NIPBL: variants seen among roughly 807,000 people sequenced by gnomAD.
NIPBL encodes nipped-B-like protein.
A neutral mutation model predicts 321.8 loss-of-function variants in NIPBL; 19 were observed. The ratio of observed to expected loss-of-function variants is 0.06; its 90% CI spans 0.04 to 0.09. The LOEUF (loss-of-function observed/expected upper bound fraction) is 0.09, where lower values mean the gene tolerates loss of function less well. NIPBL is among the 10% of genes least tolerant of loss of function. The probability of loss-of-function intolerance (pLI) is 1.00; values close to 1 mark genes in which losing one functional copy is unlikely to be tolerated. For missense variants in NIPBL, 2,210 were observed against 3,327.0 expected (o/e 0.66, Z 8.26); for synonymous variants, 1,106 against 1,114.1 (o/e 0.99, Z 0.14).
chr5:36,998,457 A>G (rs1346794556), intron 11 of NIPBL, among the ~76,000 whole-genome samples: 1 of 152,154 alleles, frequency 6.6e-6, no homozygotes, highest in Non-Finnish European at 1.5e-5. Flanking sequence ...AATGCTTGAA[A>G]CAGATTTGTT....
At chr5:36,883,053 A>G (rs1313679155) in intron 1 of NIPBL, among the ~76,000 whole-genome samples, 1 of 151,960 alleles carries the variant, frequency 6.6e-6, no homozygotes, top group Non-Finnish European at 1.5e-5. Flanking sequence ...GGCAAAAGCT[A>G]TTCTCAGGCT....
Position 36,901,879 on chromosome 5 carries a change from G to T in NIPBL, c.-80+24701G>T, listed in dbSNP as rs182729904. On this transcript the variant is annotated intron_variant, in intron 1 of 46. Coordinates refer to ENST00000282516, the MANE Select transcript of NIPBL (RefSeq NM_133433.4). ...ACTAGTTTACATTCCCACCAGCAGT[G>T]TATAAGCATTCCCTTTTCTCCATTG... Among the ~76,000 whole-genome samples, 102 of 152,248 alleles carry T rather than the reference G, an allele frequency of 6.7e-4. 1 individual carries two copies. The highest frequency in any genetic ancestry group is 3.9e-4 in the Admixed American group (6 of 15,296).
chr5:36,940,959 T>G (rs1023793087), intron 1 of NIPBL, among the ~76,000 whole-genome samples: 11 of 152,198 alleles, frequency 7.2e-5, no homozygotes, highest in African/African-American at 2.7e-4. Context: ...CCTACTGGAC[T>G]CTAAGGTCTG....
At chr5:36,940,224 T>G (rs1424265624) in intron 1 of NIPBL, among the ~76,000 whole-genome samples, 1 of 152,188 alleles carries the variant, frequency 6.6e-6, no homozygotes, top group African/African-American at 2.4e-5. Flanking sequence ...ATATACAGCC[T>G]TGTGTGAAAA....
chr5:36,943,707 T>G (rs1214453734), intron 1 of NIPBL, among the ~76,000 whole-genome samples: 2 of 152,128 alleles, frequency 1.3e-5, no homozygotes, highest in South Asian at 4.1e-4. Context: ...AGCACTATTT[T>G]AAAATCATGC....
intron 20 of NIPBL, among the ~76,000 whole-genome samples, chr5:37,009,143 TAGTC>T (rs1747786853): frequency 6.6e-6 from 1 of 152,060 alleles, no homozygotes; most frequent in South Asian, 2.1e-4. Context: ...TATGAACCAC[TAGTC>T]AGTGAGAAGA....
chr5:37,007,697 G>T (rs1448693263), intron 18 of NIPBL, among the ~76,000 whole-genome samples: 1 of 151,918 alleles, frequency 6.6e-6, no homozygotes, highest in Non-Finnish European at 1.5e-5. Flanking sequence ...TAAATTCTTT[G>T]AAAGATGGGT....
At chr5:36,905,743 G>A (rs771972620) in intron 1 of NIPBL, among the ~76,000 whole-genome samples, 1 of 151,138 alleles carries the variant, frequency 6.6e-6, no homozygotes, top group Non-Finnish European at 1.5e-5. Flanking sequence ...CTATGTTTTT[G>A]TTTTTGTGTT....
At chr5:36,971,186 G>A in intron 7 of NIPBL, 150 bp downstream of exon 7, 2 of 706,082 alleles carry the variant, frequency 2.8e-6, no homozygotes, top group Non-Finnish European at 5.1e-6. Flanking sequence ...ACAGAGCTTA[G>A]TCTAGAGCAG....
Position 36,985,632 on chromosome 5 carries a change from C to T in NIPBL, c.2452C>T (p.His818Tyr), listed in dbSNP as rs772870207. Residue 818 changes from histidine to tyrosine, a missense_variant, in exon 10 of 47, where the codon CAT (histidine) becomes TAT (tyrosine). His to Tyr is a moderately conservative substitution (Grantham distance 83). Transcript: ENST00000282516. Reference sequence around the variant, plus strand: ...TGTTTCTGAGTCACTAAGACGTGACCATGATAATAAACAAAAATCAGATGA... The same window carrying T: ...TGTTTCTGAGTCACTAAGACGTGACTATGATAATAAACAAAAATCAGATGA... The part of the protein sequence containing the change: ...RSVSESLRRD[H>Y]DNKQKSDDRG... 6.2e-7 allele frequency: 1 copy of T among 1,613,806 alleles called. No individual in the cohort carries two copies. The highest frequency in any genetic ancestry group is 1.1e-5 in the South Asian group (1 of 91,068).
At chr5:36,932,601 A>G (rs912229216) in intron 1 of NIPBL, among the ~76,000 whole-genome samples, 1 of 152,078 alleles carries the variant, frequency 6.6e-6, no homozygotes, top group African/African-American at 2.4e-5. Context: ...GTAGAAGTAT[A>G]TAATTGGGTC....
intron 1 of NIPBL, among the ~76,000 whole-genome samples, chr5:36,889,965 A>G (rs569869973): frequency 1.3e-5 from 2 of 152,042 alleles, no homozygotes; most frequent in Non-Finnish European, 2.9e-5. Flanking sequence ...ATCAAATTTT[A>G]TGTTTTTCCT....
At position 37,065,468 on chromosome 5, in the gene NIPBL, C is replaced by T. The variant is rs1755281479; in HGVS notation, c.*576C>T. On this transcript the variant is annotated 3_prime_UTR_variant, in exon 47 of 47. Transcript: ENST00000282516. ...GGGATCCCCAGGTAATCTGGTGGAG[C>T]GAATACTGCAATAAATTTTTTTACT... is the stretch of plus-strand genomic sequence containing the variant. 1 of 152,574 alleles carries T rather than the reference C, an allele frequency of 6.6e-6. No homozygotes were observed. Among genetic ancestry groups the T allele is most frequent in the African/African-American group, 2.4e-5 (1 of 41,406 alleles). The allele number at this position is 152,574 out of a possible 1,614,324, so 9.5% of individuals were successfully genotyped here. A position where few individuals can be genotyped will look rare whatever the true frequency, so the allele number is the denominator to read the frequency against.
At chr5:36,919,798 A>G (rs969644861) in intron 1 of NIPBL, among the ~76,000 whole-genome samples, 2 of 152,174 alleles carry the variant, frequency 1.3e-5, no homozygotes, top group South Asian at 4.1e-4. Context: ...TATTAATTGC[A>G]GTGTTCACAG....
chr5:36,965,284 C>G (rs1158077532), intron 6 of NIPBL, among the ~76,000 whole-genome samples: 1 of 151,984 alleles, frequency 6.6e-6, no homozygotes, highest in African/African-American at 2.4e-5. Flanking sequence ...CTAAGTCCCC[C>G]ATCAGTGGAT....
chr5:36,929,920 C>G (rs1164000450), intron 1 of NIPBL, among the ~76,000 whole-genome samples: 1 of 152,016 alleles, frequency 6.6e-6, no homozygotes, highest in Non-Finnish European at 1.5e-5. Context: ...ACTCTAGATT[C>G]TCTTCATTGA....
At chr5:36,998,409 C>T (rs900969607) in intron 11 of NIPBL, among the ~76,000 whole-genome samples, 3 of 152,048 alleles carry the variant, frequency 2.0e-5, no homozygotes, top group Admixed American at 6.6e-5. Context: ...TTACAAACCA[C>T]TATAAGATTC....
chr5:36,985,177 G>A lies in NIPBL; in HGVS notation c.1997G>A (p.Ser666Asn). Reference protein sequence around the residue: ...SRTTECKQNESTIVEPKQNEN... With the variant: ...SRTTECKQNENTIVEPKQNEN... The stretch of plus-strand genomic sequence containing the variant: ...ACAACTGAATGCAAACAAAACGAGA[G>A]CACCATAGTTGAGCCTAAACAAAAT... The change falls in exon 10 of 47, where the codon AGC (serine) becomes AAC (asparagine). Residue 666 changes from serine (S) to asparagine (N), a missense_variant. Ser to Asn is a conservative substitution (Grantham distance 46). Coordinates refer to ENST00000282516, the MANE Select transcript of NIPBL (RefSeq NM_133433.4). The A allele has an allele frequency of 6.2e-7, 1 of 1,613,826 alleles. No homozygotes were observed. Among genetic ancestry groups the A allele is most frequent in the South Asian group, 1.1e-5 (1 of 91,078 alleles).
At chr5:37,044,224 CT>C (rs373965461) in intron 34 of NIPBL, 122 bp from the exon 35 acceptor site, 11,777 of 745,504 alleles carry the variant, frequency 0.016, 17 homozygotes, top group Non-Finnish European at 0.018. Flanking sequence ...CTCTAACAGA[CT>C]TTTTTTTTTA....
Sources: allele counts gnomAD v4.1 joint callset (sites outside exome capture counted in the v4.1 genomes callset), GRCh38; gene constraint gnomAD v4.1.1; transcripts MANE v1.5; gene names NCBI Gene and HGNC (gene_info 2026-07-23, HGNC 2026-07-21).